Variants in VRK3 observed in about 807,000 individuals in gnomAD.
The protein encoded by VRK3 is VRK serine/threonine kinase 3.
In VRK3, 50 loss-of-function variants were observed where a neutral mutation model predicts 60.4. That is an observed-to-expected ratio of 0.83 (90% CI 0.66 to 1.05). The LOEUF (loss-of-function observed/expected upper bound fraction) is 1.05, where lower values mean the gene tolerates loss of function less well. Ranked by LOEUF, VRK3 falls within the 50% of genes least tolerant of loss-of-function variation. VRK3 has a pLI of 0.00. For missense variants in VRK3, 549 were observed against 585.3 expected (o/e 0.94, Z 0.64); for synonymous variants, 246 against 227.8 (o/e 1.08, Z -0.72).
At chr19:50,019,791 G>A (rs1024859920) in intron 2 of VRK3, among the ~76,000 whole-genome samples, 2 of 145,182 alleles carry the variant, frequency 1.4e-5, no homozygotes, top group African/African-American at 2.5e-5. Flanking sequence ...TCCTGCCTTG[G>A]CTTCCCAAAG....
chr19:50,025,127 C>T (rs2077246942), intron 1 of VRK3, 140 bp downstream of exon 1: 1 of 152,380 alleles, frequency 6.6e-6, no homozygotes, highest in Non-Finnish European at 1.5e-5. Context: ...ACCCCGCGAC[C>T]CGGAGCCGCT....
intron 12 of VRK3, chr19:49,988,122 A>G (rs1203398692): frequency 5.4e-6 from 2 of 370,550 alleles, no homozygotes; most frequent in East Asian, 5.9e-5. Context: ...GGAGCAGGAC[A>G]CTGAGGCTCG....
chr19:50,014,382 A>G (rs920318011), intron 3 of VRK3, among the ~76,000 whole-genome samples: 8 of 151,730 alleles, frequency 5.3e-5, no homozygotes, highest in Non-Finnish European at 8.8e-5. Context: ...ACATGGTGAA[A>G]CCCTGTCTCT....
chr19:49,997,341 G>T, intron 7 of VRK3, 163 bp downstream of exon 7: 1 of 666,348 alleles, frequency 1.5e-6, no homozygotes, highest in Non-Finnish European at 2.5e-6. Flanking sequence ...CACACACTGA[G>T]GCCTGAGGGG....
At chr19:50,016,768 A>G (rs1260402487) in intron 2 of VRK3, among the ~76,000 whole-genome samples, 1 of 152,254 alleles carries the variant, frequency 6.6e-6, no homozygotes, top group African/African-American at 2.4e-5. Flanking sequence ...TACTGAGACT[A>G]TGACAAATGA....
chr19:49,988,422 T>G lies in VRK3; in HGVS notation c.1167A>C (p.Pro389=). ...CAGTGTTGGGAAGGCAATTTGTCCA[T>G]GGCAGAAACCCGTAGAGCCACTTCA... ...CMLKWLYGFL[P]WTNCLPNTED... Residue 389 remains proline (P), a synonymous_variant, in exon 12 of 15, where the codon CCA becomes CCC. Transcript: ENST00000316763. 6.2e-7 allele frequency: 1 copy of G among 1,613,676 alleles called. No homozygotes were observed. Among genetic ancestry groups the G allele is most frequent in the Non-Finnish European group, 8.5e-7 (1 of 1,179,698 alleles).
intron 10 of VRK3, among the ~76,000 whole-genome samples, chr19:49,991,585 C>G (rs1261714257): frequency 1.3e-5 from 2 of 151,982 alleles, no homozygotes; most frequent in African/African-American, 2.4e-5. Context: ...ATTCCTAATG[C>G]TTAGTTCCAG....
rs548600084 is a variant in VRK3 at position 49,982,046 on chromosome 19, A to G, written c.1218-1033T>C. The G allele has an allele frequency of 1.9e-4, 127 of 682,188 alleles. 2 individuals carry two copies. The South Asian group carries it at 1.9e-3, about 10-fold the overall frequency. The allele number at this position is 682,188 out of a possible 1,614,324, so 42.3% of individuals were successfully genotyped here. A position where few individuals can be genotyped will look rare whatever the true frequency, so the allele number is the denominator to read the frequency against. On this transcript the variant is annotated intron_variant, in intron 12 of 14. Coordinates refer to ENST00000316763, the MANE Select transcript of VRK3 (RefSeq NM_016440.4). The stretch of plus-strand genomic sequence containing the variant: ...CAAAGGGAGGGAGGTGGTCCCCCGG[A>G]GGCGGCTGCATAACGGAGATATCTG...
intron 5 of VRK3, among the ~76,000 whole-genome samples, chr19:50,007,116 T>C (rs1043250514): frequency 1.3e-5 from 2 of 152,178 alleles, no homozygotes; most frequent in Admixed American, 6.5e-5. Flanking sequence ...AGACCCCTAT[T>C]ATGTAAGCAA....
chr19:50,005,001 T>C (rs1353434244), intron 5 of VRK3, among the ~76,000 whole-genome samples: 3 of 146,666 alleles, frequency 2.0e-5, no homozygotes, highest in Admixed American at 2.0e-4. Flanking sequence ...GGTCACACTC[T>C]TTCCCCTCTC....
At chr19:49,980,004 C>T (rs947713137) in intron 13 of VRK3, among the ~76,000 whole-genome samples, 3 of 151,840 alleles carry the variant, frequency 2.0e-5, no homozygotes, top group Admixed American at 1.3e-4. Context: ...GAGCCAAGAT[C>T]ACGCCACCGC....
At chr19:50,014,232 C>T (rs1307832863) in intron 3 of VRK3, among the ~76,000 whole-genome samples, 1 of 152,008 alleles carries the variant, frequency 6.6e-6, no homozygotes, top group African/African-American at 2.4e-5. Context: ...GGGGCCACTG[C>T]ACTCCAGCCT....
intron 3 of VRK3, among the ~76,000 whole-genome samples, chr19:50,012,160 AG>A (rs781453800): frequency 3.9e-5 from 6 of 151,980 alleles, no homozygotes; most frequent in Non-Finnish European, 5.9e-5. Flanking sequence ...TAGCAGAGAC[AG>A]GGTTTCTCCA....
At chr19:49,993,166 T>C (rs546748576) in intron 9 of VRK3, among the ~76,000 whole-genome samples, 3 of 152,336 alleles carry the variant, frequency 2.0e-5, no homozygotes, top group African/African-American at 7.2e-5. Flanking sequence ...AGCTCATCAA[T>C]TGAGCTAAAG....
At chr19:49,993,685 C>G (rs1483308002) in intron 9 of VRK3, among the ~76,000 whole-genome samples, 2 of 152,198 alleles carry the variant, frequency 1.3e-5, no homozygotes, top group Non-Finnish European at 2.9e-5. Flanking sequence ...CTGGCATGAG[C>G]TGCTGCGCCC....
intron 6 of VRK3, 60 bp from the exon 7 acceptor site, chr19:49,997,630 A>C (rs1453121599): frequency 1.3e-6 from 2 of 1,588,380 alleles, no homozygotes; most frequent in Non-Finnish European, 1.7e-6. Context: ...AAGGGCCCCC[A>C]GTCCCCACTG....
At chr19:50,021,511 G>C (rs1157584367) in intron 1 of VRK3, among the ~76,000 whole-genome samples, 1 of 152,212 alleles carries the variant, frequency 6.6e-6, no homozygotes, top group African/African-American at 2.4e-5. Context: ...CTCAGGTGGA[G>C]AGGAACTGAG....
At chr19:49,988,288 G>C in intron 12 of VRK3, 84 bp downstream of exon 12, 2 of 1,533,026 alleles carry the variant, frequency 1.3e-6, no homozygotes, top group Non-Finnish European at 1.8e-6. Flanking sequence ...CTTCCCTCCT[G>C]CTCCCAGTTG....
chr19:50,014,419 C>T (rs1452713911), intron 3 of VRK3, among the ~76,000 whole-genome samples: 2 of 149,976 alleles, frequency 1.3e-5, no homozygotes, highest in African/African-American at 2.4e-5. Context: ...ATCAACTGGG[C>T]TTGGTGGCAG....
Sources: allele counts gnomAD v4.1 joint callset (sites outside exome capture counted in the v4.1 genomes callset), GRCh38; gene constraint gnomAD v4.1.1; transcripts MANE v1.5; gene names NCBI Gene and HGNC (gene_info 2026-07-23, HGNC 2026-07-21).